DOCK2: variants seen among roughly 807,000 people sequenced by gnomAD.
The protein encoded by DOCK2 is dedicator of cytokinesis protein 2.
A neutral mutation model predicts 248.9 loss-of-function variants in DOCK2; 87 were observed. That is an observed-to-expected ratio of 0.35 (90% confidence interval 0.29 to 0.42). The LOEUF (loss-of-function observed/expected upper bound fraction) is 0.42. Ranked by LOEUF, DOCK2 falls within the 10% of genes least tolerant of loss-of-function variation. The pLI is 1.00. For synonymous variants in DOCK2, 805 were observed against 821.6 expected (o/e 0.98, Z 0.35); for missense variants, 1,747 against 2,300.2 (o/e 0.76, Z 4.92).
At chr5:169,758,500 T>A (rs1764309674) in intron 23 of DOCK2, among the ~76,000 whole-genome samples, 1 of 152,144 alleles carries the variant, frequency 6.6e-6, no homozygotes, top group Non-Finnish European at 1.5e-5. Flanking sequence ...TAAACAAGAT[T>A]AAAAAAGGGA....
intron 25 of DOCK2, 68 bp downstream of exon 25, chr5:169,761,693 C>A: frequency 7.1e-7 from 1 of 1,415,886 alleles, no homozygotes; most frequent in East Asian, 2.3e-5. Context: ...TTTGGGGAAG[C>A]TTGGCAGGAG....
At chr5:169,895,737 T>G (rs1421792020) in intron 27 of DOCK2, among the ~76,000 whole-genome samples, 1 of 152,164 alleles carries the variant, frequency 6.6e-6, no homozygotes, top group African/African-American at 2.4e-5. Flanking sequence ...GAGTTATTCA[T>G]GCACTTACAC....
chr5:169,931,453 C>T (rs1050693047), intron 27 of DOCK2, among the ~76,000 whole-genome samples: 1 of 152,246 alleles, frequency 6.6e-6, no homozygotes, highest in African/African-American at 2.4e-5. Flanking sequence ...CTCTTTCCAC[C>T]TATCCAAGTG....
intron 2 of DOCK2, among the ~76,000 whole-genome samples, chr5:169,662,170 G>A (rs1406746778): frequency 6.6e-6 from 1 of 152,174 alleles, no homozygotes; most frequent in Non-Finnish European, 1.5e-5. Flanking sequence ...GGCATGAGGT[G>A]ATATCTCATT....
intron 25 of DOCK2, among the ~76,000 whole-genome samples, chr5:169,789,847 C>A (rs1285040748): frequency 6.6e-6 from 1 of 152,210 alleles, no homozygotes; most frequent in Non-Finnish European, 1.5e-5. Context: ...CGGATAAATT[C>A]TTCCCATTTC....
chr5:169,773,120 C>G (rs1036164241), intron 25 of DOCK2: 1 of 152,150 alleles, frequency 6.6e-6, no homozygotes, highest in Non-Finnish European at 1.5e-5. Flanking sequence ...AAGGGGTTCT[C>G]CCTCAAATCC....
intron 27 of DOCK2, chr5:169,881,440 C>A: frequency 1.9e-6 from 3 of 1,551,322 alleles, no homozygotes; most frequent in Non-Finnish European, 8.7e-7. Context: ...ATAAAAGTTG[C>A]GCCTGCAAGA....
At chr5:170,025,725 G>T (rs899463287) in intron 33 of DOCK2, among the ~76,000 whole-genome samples, 14 of 152,140 alleles carry the variant, frequency 9.2e-5, no homozygotes, top group Admixed American at 1.3e-4. Context: ...TGGCAGTCTA[G>T]ACTCTTGCCA....
chr5:169,868,425 A>T (rs1771733388), intron 27 of DOCK2, among the ~76,000 whole-genome samples: 1 of 152,226 alleles, frequency 6.6e-6, no homozygotes, highest in African/African-American at 2.4e-5. Flanking sequence ...ACAACAAACC[A>T]GCTGAGTTTG....
At chr5:170,034,191 T>C (rs1756240883) in intron 34 of DOCK2, among the ~76,000 whole-genome samples, 1 of 150,870 alleles carries the variant, frequency 6.6e-6, no homozygotes, top group African/African-American at 2.5e-5. Flanking sequence ...TATTGGAAAC[T>C]ATTTTATTTT....
At position 169,695,492 on chromosome 5, in the gene DOCK2, A is replaced by T. The variant is rs17071606; in HGVS notation, c.844-311A>T. The stretch of plus-strand genomic sequence containing the variant: ...ACTTTTGGATCTATCACCTCGGCAT[A>T]TGGGGAATCCTGTCTGTACAGCTGA... On this transcript the variant is annotated intron_variant, in intron 9 of 51. Transcript: ENST00000520908. 1.3e-5 allele frequency: 3 copies of T among 224,500 alleles called. No homozygotes were observed. In the East Asian group the frequency reaches 4.4e-4, roughly 33 times the overall value. 13.9% of individuals were successfully genotyped at this position (224,500 alleles called of 1,614,324 possible).
At chr5:169,971,531 ACAGTT>A (rs1362422335) in intron 27 of DOCK2, among the ~76,000 whole-genome samples, 9 of 151,980 alleles carry the variant, frequency 5.9e-5, no homozygotes, top group Admixed American at 6.5e-5. Context: ...AGCTTTTCAA[ACAGTT>A]ATCTCTGAGT....
intron 27 of DOCK2, among the ~76,000 whole-genome samples, chr5:169,956,074 G>C (rs1776854368): frequency 1.3e-5 from 2 of 151,950 alleles, no homozygotes; most frequent in African/African-American, 4.8e-5. Flanking sequence ...TTGGGGTCTG[G>C]AGTCTGGGTT....
chr5:169,674,420 A>G lies in DOCK2; in HGVS notation c.445A>G (p.Thr149Ala). 1 of 1,614,156 alleles carries G rather than the reference A, an allele frequency of 6.2e-7. No homozygotes were observed. Residue 149 changes from threonine (T) to alanine (A), a missense_variant, in exon 6 of 52, where the codon ACG (threonine) becomes GCG (alanine). Thr to Ala is a moderately conservative substitution (Grantham distance 58, BLOSUM62 0). Coordinates refer to ENST00000520908, the MANE Select transcript of DOCK2 (RefSeq NM_004946.3). ...DELKELKQKVTSKIDYGNKIL... is the reference protein window; with the variant it reads ...DELKELKQKVASKIDYGNKIL... Reference sequence around the variant, plus strand: ...GCTGAAGGAACTGAAGCAGAAAGTCACGTCCAAAATTGACTATGGCAACAA... The same window carrying G: ...GCTGAAGGAACTGAAGCAGAAAGTCGCGTCCAAAATTGACTATGGCAACAA...
At chr5:169,840,398 C>T (rs528420702) in intron 26 of DOCK2, among the ~76,000 whole-genome samples, 3 of 152,264 alleles carry the variant, frequency 2.0e-5, no homozygotes, top group African/African-American at 4.8e-5. Context: ...CCTGAGATTT[C>T]GCCGGGGACA....
chr5:169,967,883 G>A (rs541555345), intron 27 of DOCK2, among the ~76,000 whole-genome samples: 2 of 152,162 alleles, frequency 1.3e-5, no homozygotes, highest in Admixed American at 6.5e-5. Context: ...TGGGAGGAGC[G>A]AGAGAAAGGG....
At chr5:169,901,365 T>C (rs1245886414) in intron 27 of DOCK2, among the ~76,000 whole-genome samples, 1 of 152,202 alleles carries the variant, frequency 6.6e-6, no homozygotes, top group East Asian at 1.9e-4. Context: ...AAGGCCACAT[T>C]AAGTCTTTTG....
At chr5:169,820,573 GAA>G (rs200341727) in intron 26 of DOCK2, among the ~76,000 whole-genome samples, 42,391 of 152,020 alleles carry the variant, frequency 0.28, 7,579 homozygotes, top group African/African-American at 0.51. Context: ...CTGTTAAAAG[GAA>G]AACTAACAAA....
At chr5:169,787,846 C>T (rs112328323) in intron 25 of DOCK2, among the ~76,000 whole-genome samples, 69 of 149,864 alleles carry the variant, frequency 4.6e-4, no homozygotes, top group African/African-American at 1.7e-3. Flanking sequence ...TTTTTCTGCT[C>T]CTTTTCATTT....
Sources: allele counts gnomAD v4.1 joint callset (sites outside exome capture counted in the v4.1 genomes callset), GRCh38; gene constraint gnomAD v4.1.1; transcripts MANE v1.5; gene names NCBI Gene and HGNC (gene_info 2026-07-23, HGNC 2026-07-21).